The following ASB18 variants were observed in gnomAD, a reference collection of about 807,000 sequenced individuals.
ASB18 encodes ankyrin repeat and SOCS box protein 18.
Under a neutral mutation model 33.4 loss-of-function variants are expected in ASB18, and 33 were observed. The observed-to-expected ratio is 0.99, with a 90% CI of 0.75 to 1.32. The LOEUF (loss-of-function observed/expected upper bound fraction) is 1.32, where lower values mean the gene tolerates loss of function less well. ASB18 is among the 40% of genes most tolerant of loss of function. The pLI is 0.00. For synonymous variants in ASB18, 295 were observed against 307.6 expected (o/e 0.96, Z 0.43); for missense variants, 694 against 655.5 (o/e 1.06, Z -0.64).
rs1318097043 is a variant in ASB18 at position 236,226,340 on chromosome 2, T to G, written c.596+11349A>C. ...CTTATCTTAAACTTTCCCCCAATAA[T>G]CTGGATTTAAATAAGTCAAGAGTGT... On this transcript the variant is annotated intron_variant, in intron 3 of 5. Transcript: ENST00000409749. This position sits in a 1 kb window ranked among gnomAD's most constrained non-coding sequence, Gnocchi z 4.8. Among the ~76,000 whole-genome samples, 1 of 151,988 alleles carries G rather than the reference T, an allele frequency of 6.6e-6. No homozygotes were observed. Among genetic ancestry groups the G allele is most frequent in the Non-Finnish European group, 1.5e-5 (1 of 68,004 alleles).
chr2:236,232,503 A>G (rs2060570623), intron 3 of ASB18, among the ~76,000 whole-genome samples: 1 of 152,056 alleles, frequency 6.6e-6, no homozygotes, highest in African/African-American at 2.4e-5. Context: ...TATAGTGGAA[A>G]TCAATGAAAT....
chr2:236,236,335 A>C (rs1418514574), intron 3 of ASB18, among the ~76,000 whole-genome samples: 1 of 152,172 alleles, frequency 6.6e-6, no homozygotes, highest in Non-Finnish European at 1.5e-5. Context: ...AGACTAAGCC[A>C]AGTAATAGAA....
At position 236,251,866 on chromosome 2, in the gene ASB18, C is replaced by T. The variant is rs1219339976; in HGVS notation, c.206-10464G>A. ...TTTGAAGAGTTCAGTGACACTAATCCTCTCCCAGTTTGCAGGTGGGAGGGT... is the reference window on the plus strand; with the variant it reads ...TTTGAAGAGTTCAGTGACACTAATCTTCTCCCAGTTTGCAGGTGGGAGGGT... On this transcript the variant is annotated intron_variant, in intron 1 of 5. Coordinates refer to ENST00000409749, the MANE Select transcript of ASB18 (RefSeq NM_212556.4). The surrounding 1 kb of genome is among the most constrained non-coding windows in gnomAD (Gnocchi z 5.3). Among the ~76,000 whole-genome samples, 1 of 152,192 alleles carries T rather than the reference C, an allele frequency of 6.6e-6. No homozygotes were observed. Among genetic ancestry groups the T allele is most frequent in the African/African-American group, 2.4e-5 (1 of 41,444 alleles).
In ASB18 at chr2:236,215,094, A is replaced by C. The variant is rs1156561564; in HGVS notation, c.597-228T>G. ...GTGTAAATAGCAAAGGATATGCCAT[A>C]AGAATCCACGTGCAGAGTTACAATT... On this transcript the variant is annotated intron_variant, in intron 3 of 5. Coordinates refer to ENST00000409749, the MANE Select transcript of ASB18 (RefSeq NM_212556.4). This position sits in a 1 kb window ranked among gnomAD's most constrained non-coding sequence, Gnocchi z 7.2. Among the ~76,000 whole-genome samples the C allele has an allele frequency of 2.0e-5, 3 of 152,110 alleles. No homozygotes were observed. Among genetic ancestry groups the C allele is most frequent in the Non-Finnish European group, 4.4e-5 (3 of 68,026 alleles).
rs1334904093 is a variant in ASB18 at position 236,239,488 on chromosome 2, GGA to G, written c.329-1534_329-1533del. Among the ~76,000 whole-genome samples the G allele has an allele frequency of 1.3e-5, 2 of 149,010 alleles. No individual in the cohort carries two copies. The highest frequency in any genetic ancestry group is 6.7e-5 in the Admixed American group (1 of 14,940). On this transcript the variant is annotated intron_variant, in intron 2 of 5. Coordinates refer to ENST00000409749, the MANE Select transcript of ASB18 (RefSeq NM_212556.4). This position sits in a 1 kb window ranked among gnomAD's most constrained non-coding sequence, Gnocchi z 5.6. Reference sequence around the variant, plus strand: ...CTGGTCCCAGTTCTGCCACCAGGAGGGACGTGAATTAAGGCTCAGGAAGCCGG... The same window carrying G: ...CTGGTCCCAGTTCTGCCACCAGGAGGCGTGAATTAAGGCTCAGGAAGCCGG...
chr2:236,264,042 C>A lies in ASB18; in HGVS notation c.205+99G>T. On this transcript the variant is annotated intron_variant, in intron 1 of 5. Coordinates refer to ENST00000409749, the MANE Select transcript of ASB18 (RefSeq NM_212556.4). The surrounding 1 kb of genome is among the most constrained non-coding windows in gnomAD (Gnocchi z 5.1). ...CAGATATCCGAGTACATATCATTTA[C>A]TTTTTCCAAACATTTGCCCCTCTAC... 3 of 1,002,538 alleles carry A rather than the reference C, an allele frequency of 3.0e-6. No individual in the cohort carries two copies. Among genetic ancestry groups the A allele is most frequent in the Non-Finnish European group, 3.0e-6 (2 of 662,388 alleles). The allele number at this position is 1,002,538 out of a possible 1,614,324, so 62.1% of individuals were successfully genotyped here.
Position 236,226,764 on chromosome 2 carries a change from T to G in ASB18, c.596+10925A>C, listed in dbSNP as rs2060541843. Among the ~76,000 whole-genome samples the G allele has an allele frequency of 6.6e-6, 1 of 152,338 alleles. No homozygotes were observed. The highest frequency in any genetic ancestry group is 2.1e-4 in the South Asian group (1 of 4,824). On this transcript the variant is annotated intron_variant, in intron 3 of 5. Coordinates refer to ENST00000409749, the MANE Select transcript of ASB18 (RefSeq NM_212556.4). The surrounding 1 kb of genome is among the most constrained non-coding windows in gnomAD (Gnocchi z 4.8). The stretch of plus-strand genomic sequence containing the variant: ...CTGATTTCTTAGTAAGAAGCAATAT[T>G]TTTCTGATCCTTTAAAGTGGGAGAG...
Position 236,215,364 on chromosome 2 carries a change from C to G in ASB18, c.597-498G>C, listed in dbSNP as rs1001137521. Among the ~76,000 whole-genome samples, 2 of 152,124 alleles carry G rather than the reference C, an allele frequency of 1.3e-5. No individual in the cohort carries two copies. The highest frequency in any genetic ancestry group is 6.5e-5 in the Admixed American group (1 of 15,274). On this transcript the variant is annotated intron_variant, in intron 3 of 5. Coordinates refer to ENST00000409749, the MANE Select transcript of ASB18 (RefSeq NM_212556.4). This position sits in a 1 kb window ranked among gnomAD's most constrained non-coding sequence, Gnocchi z 7.2. ...TGCCTTGCACCACGAAGGGACTTTC[C>G]CCATCCCTCAGGACACTGACTCAGG...
Position 236,214,778 on chromosome 2 carries a change from G to A in ASB18, c.685C>T (p.Arg229Cys). ...RDTPLHVAAQ[R>C]GLDEHARLYL... ...AGGCGCGCGTGCTCGTCCAGGCCGC[G>A]CTGCGCCGCCACGTGCAGCGGCGTG... Residue 229 changes from arginine (R) to cysteine (C), a missense_variant, in exon 4 of 6, where the codon CGC becomes TGC. Arg to Cys is a radical substitution (Grantham distance 180). Transcript: ENST00000409749. This position sits in a 1 kb window ranked among gnomAD's most constrained non-coding sequence, Gnocchi z 6.5. 1 of 1,196,052 alleles carries A rather than the reference G, an allele frequency of 8.4e-7. No homozygotes were observed. The highest frequency in any genetic ancestry group is 1.0e-6 in the Non-Finnish European group (1 of 964,750). The allele number at this position is 1,196,052 out of a possible 1,614,324, so 74.1% of individuals were successfully genotyped here.
rs1338010494 is a variant in ASB18 at position 236,211,702 on chromosome 2, G to A, written c.1101+2660C>T. ...GATTAGATGCCGTCCCTGGAGGAGCGATTGCAGGGAGACTGGGTGGAGGAA... is the reference window on the plus strand; with the variant it reads ...GATTAGATGCCGTCCCTGGAGGAGCAATTGCAGGGAGACTGGGTGGAGGAA... On this transcript the variant is annotated intron_variant, in intron 4 of 5. Coordinates refer to ENST00000409749, the MANE Select transcript of ASB18 (RefSeq NM_212556.4). This position sits in a 1 kb window ranked among gnomAD's most constrained non-coding sequence, Gnocchi z 5.0. Among the ~76,000 whole-genome samples, 1 of 152,204 alleles carries A rather than the reference G, an allele frequency of 6.6e-6. No homozygotes were observed. Among genetic ancestry groups the A allele is most frequent in the Non-Finnish European group, 1.5e-5 (1 of 68,042 alleles).
At chr2:236,258,267 A>G (rs2060701843) in intron 1 of ASB18, among the ~76,000 whole-genome samples, 1 of 152,176 alleles carries the variant, frequency 6.6e-6, no homozygotes, top group South Asian at 2.1e-4. Flanking sequence ...CCCCTCCACA[A>G]ACACAAGCCA....
At position 236,245,015 on chromosome 2, in the gene ASB18, A is replaced by G. The variant is rs1185270603; in HGVS notation, c.206-3613T>C. On this transcript the variant is annotated intron_variant, in intron 1 of 5. Coordinates refer to ENST00000409749, the MANE Select transcript of ASB18 (RefSeq NM_212556.4). The surrounding 1 kb of genome is among the most constrained non-coding windows in gnomAD (Gnocchi z 4.7). The stretch of plus-strand genomic sequence containing the variant: ...ATGAGGCCACGTTTGGCAGTCTATG[A>G]TGCAGGGGGATAAGGGACAGAGGCT... Among the ~76,000 whole-genome samples the G allele has an allele frequency of 6.6e-6, 1 of 152,074 alleles. No individual in the cohort carries two copies.
rs1173097320 is a variant in ASB18, at chr2:236,222,281, T to G, written c.597-7415A>C. 1.3e-5 allele frequency among the ~76,000 whole-genome samples: 2 copies of G among 152,226 alleles called. No individual in the cohort carries two copies. The highest frequency in any genetic ancestry group is 2.4e-5 in the African/African-American group (1 of 41,454). On this transcript the variant is annotated intron_variant, in intron 3 of 5. Transcript: ENST00000409749. The surrounding 1 kb of genome is among the most constrained non-coding windows in gnomAD (Gnocchi z 5.5). Reference sequence around the variant, plus strand: ...ACTATCAGACATAAATGTTTACAATTGAAATGGCTGATGTGAATAGACAAA... The same window carrying G: ...ACTATCAGACATAAATGTTTACAATGGAAATGGCTGATGTGAATAGACAAA...
Position 236,234,032 on chromosome 2 carries a change from T to C in ASB18, c.596+3657A>G, listed in dbSNP as rs2060578348. Among the ~76,000 whole-genome samples the C allele has an allele frequency of 6.6e-6, 1 of 152,242 alleles. No homozygotes were observed. The highest frequency in any genetic ancestry group is 2.4e-5 in the African/African-American group (1 of 41,466). ...TTACAATATTCAAGACAGTATGGTA[T>C]TGGTGTTAAAACAGGCAAATAGAGC... On this transcript the variant is annotated intron_variant, in intron 3 of 5. Transcript: ENST00000409749. The surrounding 1 kb of genome is among the most constrained non-coding windows in gnomAD (Gnocchi z 4.1).
chr2:236,251,220 C>T lies in ASB18; in HGVS notation c.206-9818G>A, dbSNP rs1215822540. The stretch of plus-strand genomic sequence containing the variant: ...GCTCAGAAACAAAGATGCCCTTGAA[C>T]ACCGTGTATCCGCTGTGGATGAGTG... On this transcript the variant is annotated intron_variant, in intron 1 of 5. Transcript: ENST00000409749. This position sits in a 1 kb window ranked among gnomAD's most constrained non-coding sequence, Gnocchi z 5.3. 6.6e-6 allele frequency among the ~76,000 whole-genome samples: 1 copy of T among 152,196 alleles called. No individual in the cohort carries two copies. Among genetic ancestry groups the T allele is most frequent in the Non-Finnish European group, 1.5e-5 (1 of 68,036 alleles).
Position 236,238,986 on chromosome 2 carries a change from A to C in ASB18, c.329-1030T>G, listed in dbSNP as rs915555202. On this transcript the variant is annotated intron_variant, in intron 2 of 5. Coordinates refer to ENST00000409749, the MANE Select transcript of ASB18 (RefSeq NM_212556.4). This position sits in a 1 kb window ranked among gnomAD's most constrained non-coding sequence, Gnocchi z 5.2. ...CAGCCGCCCTGAGTCCCCAAGGCCCAGCCTGGAGCTTGTTGTGCACTCAGT... is the reference window on the plus strand; with the variant it reads ...CAGCCGCCCTGAGTCCCCAAGGCCCCGCCTGGAGCTTGTTGTGCACTCAGT... Among the ~76,000 whole-genome samples, 2 of 152,102 alleles carry C rather than the reference A, an allele frequency of 1.3e-5. No homozygotes were observed. The highest frequency in any genetic ancestry group is 2.9e-5 in the Non-Finnish European group (2 of 68,006).
chr2:236,262,143 C>T lies in ASB18; in HGVS notation c.205+1998G>A, dbSNP rs768100283. 3.0e-4 allele frequency among the ~76,000 whole-genome samples: 45 copies of T among 152,310 alleles called. No individual in the cohort carries two copies. The highest frequency in any genetic ancestry group is 2.7e-3 in the South Asian group (13 of 4,820). ...AATGAGACACACAGTAAAGATTTTG[C>T]AGGGCAATTAGTAATGTGAAAAGAA... On this transcript the variant is annotated intron_variant, in intron 1 of 5. Coordinates refer to ENST00000409749, the MANE Select transcript of ASB18 (RefSeq NM_212556.4). The surrounding 1 kb of genome is among the most constrained non-coding windows in gnomAD (Gnocchi z 5.2).
Position 236,239,637 on chromosome 2 carries a change from C to T in ASB18, c.328+1643G>A, listed in dbSNP as rs572364010. On this transcript the variant is annotated intron_variant, in intron 2 of 5. Coordinates refer to ENST00000409749, the MANE Select transcript of ASB18 (RefSeq NM_212556.4). This position sits in a 1 kb window ranked among gnomAD's most constrained non-coding sequence, Gnocchi z 5.6. ...ATCAGCTCCCCCATGTCAGTGCTCT[C>T]TATGACTGTGGGCTGGATGGGCCAG... Among the ~76,000 whole-genome samples, 265 of 152,340 alleles carry T rather than the reference C, an allele frequency of 1.7e-3. 1 individual carries two copies. Among genetic ancestry groups the T allele is most frequent in the African/African-American group, 6.2e-3 (259 of 41,578 alleles).
chr2:236,228,089 C>A lies in ASB18; in HGVS notation c.596+9600G>T, dbSNP rs1308175043. On this transcript the variant is annotated intron_variant, in intron 3 of 5. Coordinates refer to ENST00000409749, the MANE Select transcript of ASB18 (RefSeq NM_212556.4). This position sits in a 1 kb window ranked among gnomAD's most constrained non-coding sequence, Gnocchi z 5.1. ...AAGATGATACCTTTTTACATCCCAGCAAATCATCTATCAGATGAGTCAAGA... is the reference window on the plus strand; with the variant it reads ...AAGATGATACCTTTTTACATCCCAGAAAATCATCTATCAGATGAGTCAAGA... Among the ~76,000 whole-genome samples, 1 of 152,140 alleles carries A rather than the reference C, an allele frequency of 6.6e-6. No individual in the cohort carries two copies. Among genetic ancestry groups the A allele is most frequent in the Non-Finnish European group, 1.5e-5 (1 of 68,026 alleles).
Sources: gnomAD v4.1 joint callset for allele counts (sites outside exome capture counted in the v4.1 genomes callset) on GRCh38, gnomAD v4.1.1 for gene constraint, Gnocchi (gnomAD v3.1) non-coding constraint, MANE v1.5 for transcripts, NCBI Gene and HGNC (gene_info 2026-07-23, HGNC 2026-07-21) for gene names.